The following SHANK2 variants were observed in gnomAD, a reference collection of about 807,000 sequenced individuals.
The protein encoded by SHANK2 is SH3 and multiple ankyrin repeat domains protein 2.
In SHANK2, 43 loss-of-function variants were observed where a neutral mutation model predicts 133.7. The observed-to-expected ratio is 0.32, with a 90% CI of 0.25 to 0.41. The LOEUF (loss-of-function observed/expected upper bound fraction) is 0.41, where lower values mean the gene tolerates loss of function less well. Ranked by LOEUF, SHANK2 falls within the 10% of genes least tolerant of loss-of-function variation. The pLI, the probability that SHANK2 is intolerant of heterozygous loss-of-function variation, is 1.00. For synonymous variants in SHANK2, 1,017 were observed against 952.8 expected (o/e 1.07, Z -1.24); for missense variants, 1,994 against 2,235.8 (o/e 0.89, Z 2.18).
chr11:70,649,110 C>G (rs576992644), intron 17 of SHANK2, among the ~76,000 whole-genome samples: 1 of 152,166 alleles, frequency 6.6e-6, no homozygotes. Flanking sequence ...GCCTGGCACA[C>G]GTGCCATCTC....
At chr11:70,909,794 T>C (rs1950162038) in intron 10 of SHANK2, among the ~76,000 whole-genome samples, 1 of 152,314 alleles carries the variant, frequency 6.6e-6, no homozygotes, top group East Asian at 1.9e-4. Flanking sequence ...AAAGCAAGAA[T>C]TGAACACCAT....
At chr11:70,713,034 G>A (rs192082902) in intron 14 of SHANK2, among the ~76,000 whole-genome samples, 62 of 152,386 alleles carry the variant, frequency 4.1e-4, no homozygotes, top group African/African-American at 1.4e-3. Context: ...CAGCAGCGAG[G>A]TGCAGGGGAA....
intron 14 of SHANK2, among the ~76,000 whole-genome samples, chr11:70,743,388 G>A (rs782673671): frequency 6.6e-6 from 1 of 152,184 alleles, no homozygotes; most frequent in Non-Finnish European, 1.5e-5. Flanking sequence ...ATAGACGCCA[G>A]TACCCCTCGC....
In SHANK2 at chr11:70,770,915, C is replaced by CTTTTTTTTTT. The variant is rs71467419; in HGVS notation, c.1777+27518_1777+27527dup. ...TCTCTCCTTCCCTCCCTCTTACTTC[C>CTTTTTTTTTT]TTTTTTTTTTTTTTTTTTTTTTTTT... On this transcript the variant is annotated intron_variant, in intron 14 of 25. Coordinates refer to ENST00000601538, the MANE Select transcript of SHANK2 (RefSeq NM_012309.5). Among the ~76,000 whole-genome samples, 23 of 92,854 alleles carry CTTTTTTTTTT rather than the reference C, an allele frequency of 2.5e-4. 2 individuals are homozygous for CTTTTTTTTTT. The highest frequency in any genetic ancestry group is 3.8e-4 in the Non-Finnish European group (19 of 49,640). 60.9% of individuals were successfully genotyped at this position (92,854 alleles called of 152,430 possible). A position where few individuals can be genotyped will look rare whatever the true frequency, so the allele number is the denominator to read the frequency against.
chr11:71,109,001 G>C lies in SHANK2; in HGVS notation c.592+940C>G, dbSNP rs915673750. On this transcript the variant is annotated intron_variant, in intron 6 of 25. Transcript: ENST00000601538. ...AATGATGAGAAAGTGGCATTCTTTG[G>C]TTGACAAACACATTTGTTGTGTATT... 1.8e-4 allele frequency among the ~76,000 whole-genome samples: 27 copies of C among 152,220 alleles called. 1 individual carries two copies. Among genetic ancestry groups the C allele is most frequent in the Admixed American group, 6.5e-5 (1 of 15,284 alleles).
chr11:71,136,802 A>T (rs567765353), intron 3 of SHANK2, among the ~76,000 whole-genome samples: 41 of 152,338 alleles, frequency 2.7e-4, no homozygotes, highest in African/African-American at 9.6e-4. Context: ...GAAACCTCCC[A>T]CACCAGGATG....
intron 9 of SHANK2, among the ~76,000 whole-genome samples, chr11:71,069,684 A>G (rs1335652152): frequency 6.6e-6 from 1 of 152,220 alleles, no homozygotes; most frequent in African/African-American, 2.4e-5. Flanking sequence ...TAGAGAGACA[A>G]TAGGTTGTCC....
At chr11:70,701,974 G>T (rs936508558) in intron 14 of SHANK2, among the ~76,000 whole-genome samples, 1 of 129,748 alleles carries the variant, frequency 7.7e-6, no homozygotes, top group African/African-American at 3.0e-5. Context: ...CATAATTACT[G>T]CCATCATCAC....
At chr11:70,568,434 C>T (rs1554982363) in intron 17 of SHANK2, among the ~76,000 whole-genome samples, 3 of 152,158 alleles carry the variant, frequency 2.0e-5, no homozygotes, top group African/African-American at 7.2e-5. Context: ...CTCGGAAAAG[C>T]ATTAAAAGCG....
intron 14 of SHANK2, among the ~76,000 whole-genome samples, chr11:70,725,713 C>T (rs1726297845): frequency 7.0e-6 from 1 of 142,438 alleles, no homozygotes; most frequent in Admixed American, 6.9e-5. Flanking sequence ...ATCAAAGGCC[C>T]ACTTCTTGTC....
At chr11:71,245,751 C>T (rs1954952786) in intron 1 of SHANK2, among the ~76,000 whole-genome samples, 1 of 152,224 alleles carries the variant, frequency 6.6e-6, no homozygotes, top group Admixed American at 6.5e-5. Flanking sequence ...GCGACGCCAT[C>T]GGGTCAGTAT....
chr11:70,788,917 C>T (rs1029018400), intron 14 of SHANK2, among the ~76,000 whole-genome samples: 8 of 152,184 alleles, frequency 5.3e-5, no homozygotes, highest in Admixed American at 2.6e-4. Flanking sequence ...ACCACCCTGT[C>T]GGGTCCACAC....
At chr11:70,884,896 T>C (rs1385833524) in intron 11 of SHANK2, among the ~76,000 whole-genome samples, 5 of 152,048 alleles carry the variant, frequency 3.3e-5, no homozygotes, top group Non-Finnish European at 4.4e-5. Context: ...AATTTTTGTA[T>C]TTTTAGTAGA....
At chr11:71,203,363 C>A (rs575304361) in intron 2 of SHANK2, among the ~76,000 whole-genome samples, 1 of 152,308 alleles carries the variant, frequency 6.6e-6, no homozygotes, top group African/African-American at 2.4e-5. Context: ...AATCAGAGAG[C>A]TAATAAATGG....
chr11:70,672,192 T>A (rs1555016242), intron 15 of SHANK2, among the ~76,000 whole-genome samples: 1 of 151,378 alleles, frequency 6.6e-6, no homozygotes, highest in Non-Finnish European at 1.5e-5. Flanking sequence ...GCCTCCTGAG[T>A]AGCTGGGATT....
At chr11:71,141,214 C>T (rs1952547663) in intron 3 of SHANK2, among the ~76,000 whole-genome samples, 1 of 152,174 alleles carries the variant, frequency 6.6e-6, no homozygotes, top group Non-Finnish European at 1.5e-5. Context: ...AACAAAGATG[C>T]TCACAGTGCT....
intron 10 of SHANK2, among the ~76,000 whole-genome samples, chr11:70,910,206 T>C (rs1018720332): frequency 6.6e-6 from 1 of 152,176 alleles, no homozygotes; most frequent in African/African-American, 2.4e-5. Flanking sequence ...GGATTAGGGC[T>C]TCAATGCAGG....
At chr11:70,935,913 G>C (rs1045100227) in intron 10 of SHANK2, among the ~76,000 whole-genome samples, 1 of 152,120 alleles carries the variant, frequency 6.6e-6, no homozygotes, top group Non-Finnish European at 1.5e-5. Flanking sequence ...GGATTTGGAC[G>C]TGCCCATCAT....
chr11:70,498,852 C>A (rs1471220785), intron 21 of SHANK2, among the ~76,000 whole-genome samples: 2 of 152,166 alleles, frequency 1.3e-5, no homozygotes, highest in Non-Finnish European at 2.9e-5. Flanking sequence ...TTGGCTTGTT[C>A]CTTCCTTCTT....
Sources: allele counts gnomAD v4.1 joint callset (sites outside exome capture counted in the v4.1 genomes callset), GRCh38; gene constraint gnomAD v4.1.1; transcripts MANE v1.5; gene names NCBI Gene and HGNC (gene_info 2026-07-23, HGNC 2026-07-21).